DNAH9: variants seen among roughly 807,000 people sequenced by gnomAD.
DNAH9 encodes DNAH9 variant protein.
In DNAH9, 345 loss-of-function variants were observed where a neutral mutation model predicts 471.6. The observed-to-expected ratio is 0.73, with a 90% confidence interval of 0.67 to 0.80. The LOEUF is 0.80. Among genes scored for constraint, DNAH9 ranks in the 30% least tolerant of loss-of-function variants. The pLI, the probability that DNAH9 is intolerant of heterozygous loss-of-function variation, is 0.00. For missense variants in DNAH9, 5,407 were observed against 5,609.2 expected, an observed-to-expected ratio of 0.96 and a Z score of 1.15; for synonymous variants, 2,093 against 2,123.6, an observed-to-expected ratio of 0.99 and a Z score of 0.40.
intron 67 of DNAH9, among the ~76,000 whole-genome samples, chr17:11,942,779 T>A (rs867729141): frequency 9.3e-4 from 142 of 152,288 alleles, no homozygotes; most frequent in Middle Eastern, 3.4e-3. Flanking sequence ...TGATGTAAAG[T>A]GCCTAGCACA....
In DNAH9 at chr17:11,834,708, A is replaced by G. The variant is rs762916908; in HGVS notation, c.9317A>G (p.Lys3106Arg). 6.2e-7 allele frequency: 1 copy of G among 1,614,118 alleles called. No homozygotes were observed. The highest frequency in any genetic ancestry group is 8.5e-7 in the Non-Finnish European group (1 of 1,180,010). ...ELKQKNEDADKLIQVVGVETD... is the reference protein window; with the variant it reads ...ELKQKNEDADRLIQVVGVETD... ...AAGCAGAAAAATGAAGATGCAGACAAACTGATTCAGGTCGTGGGTGTGGAG... is the reference window on the plus strand; with the variant it reads ...AAGCAGAAAAATGAAGATGCAGACAGACTGATTCAGGTCGTGGGTGTGGAG... The change falls in exon 49 of 69, where the codon AAA (lysine) becomes AGA (arginine). Residue 3106 changes from lysine to arginine, a missense_variant. Coordinates refer to ENST00000262442, the MANE Select transcript of DNAH9 (RefSeq NM_001372.4).
intron 4 of DNAH9, among the ~76,000 whole-genome samples, chr17:11,616,033 G>A (rs966360858): frequency 2.0e-5 from 3 of 152,144 alleles, no homozygotes; most frequent in Non-Finnish European, 4.4e-5. Flanking sequence ...GGGATATAAA[G>A]TACAAACATA....
At chr17:11,848,778 G>T (rs972078763) in intron 49 of DNAH9, among the ~76,000 whole-genome samples, 1 of 151,928 alleles carries the variant, frequency 6.6e-6, no homozygotes, top group African/African-American at 2.4e-5. Flanking sequence ...ATAAAGTGTA[G>T]ATTGTCCATA....
chr17:11,753,078 A>C, intron 33 of DNAH9, 118 bp downstream of exon 33: 1 of 821,900 alleles, frequency 1.2e-6, no homozygotes, highest in Admixed American at 2.7e-5. Flanking sequence ...AGAGTAAGGA[A>C]CTATCATCAG....
intron 61 of DNAH9, among the ~76,000 whole-genome samples, chr17:11,908,307 T>C (rs568174933): frequency 6.6e-6 from 1 of 152,194 alleles, no homozygotes. Context: ...CTAAAACAAA[T>C]TTTTTAATTG....
In DNAH9 at chr17:11,769,152, C is replaced by T. The variant is rs375205297; in HGVS notation, c.7375C>T (p.Arg2459Cys). The change falls in exon 38 of 69, where the codon CGT becomes TGT. Residue 2459 changes from arginine to cysteine, a missense_variant. By Grantham distance (180) the Arg-to-Cys change is radical. Transcript: ENST00000262442. ...ACLVHTSETIRVCYFMERLMA... is the reference protein window; with the variant it reads ...ACLVHTSETICVCYFMERLMA... ...TTTGGTGCACACGAGTGAGACCATC[C>T]GTGTGTGCTACTTCATGGAGCGGTT... 2.4e-5 allele frequency: 39 copies of T among 1,614,078 alleles called. No homozygotes were observed. Among genetic ancestry groups the T allele is most frequent in the South Asian group, 8.8e-5 (8 of 91,080 alleles).
intron 62 of DNAH9, among the ~76,000 whole-genome samples, chr17:11,929,095 C>T (rs1217791580): frequency 7.1e-6 from 1 of 140,046 alleles, no homozygotes; most frequent in East Asian, 2.2e-4. Context: ...AGTGCAGTGG[C>T]GTGATCTTGG....
At chr17:11,847,943 C>T (rs575868546) in intron 49 of DNAH9, among the ~76,000 whole-genome samples, 7 of 151,012 alleles carry the variant, frequency 4.6e-5, no homozygotes, top group African/African-American at 1.5e-4. Context: ...GGTTACAGCT[C>T]GTGTAGGGCT....
intron 68 of DNAH9, among the ~76,000 whole-genome samples, chr17:11,966,732 C>T (rs1411361010): frequency 6.6e-6 from 1 of 152,112 alleles, no homozygotes; most frequent in African/African-American, 2.4e-5. Context: ...GGGAATGGAG[C>T]TATACAAGAT....
Position 11,793,587 on chromosome 17 carries a change from C to G in DNAH9, c.8146C>G (p.Arg2716Gly), listed in dbSNP as rs756890065. Residue 2716 changes from arginine (R) to glycine (G), a missense_variant, in exon 42 of 69, where the codon CGG (arginine) becomes GGG (glycine). Arg to Gly is a moderately radical substitution (Grantham distance 125). This residue lies in a region of DNAH9 where 4,636 missense variants were observed against 4,900.3 expected (regional missense o/e 0.95). Transcript: ENST00000262442. ...LYLHESNRVY[R>G]DKMVEEKDFD... ...TCTGCATGAATCAAATCGAGTTTAT[C>G]GGGATAAGATGGTAGAAGAAAAGGA... is the stretch of plus-strand genomic sequence containing the variant. 1.2e-6 allele frequency: 2 copies of G among 1,613,318 alleles called. No homozygotes were observed. Among genetic ancestry groups the G allele is most frequent in the East Asian group, 2.2e-5 (1 of 44,874 alleles).
rs1968773992 is a variant in DNAH9, at chr17:11,784,251, C to G, written c.7822-49C>G. The G allele has an allele frequency of 2.5e-6, 4 of 1,604,626 alleles. No individual in the cohort carries two copies. The East Asian group carries it at 9.0e-5, about 36-fold the overall frequency. On this transcript the variant is annotated intron_variant, in intron 40 of 68. Transcript: ENST00000262442. ...TCTCCAAATTCAGAAGCGGTGATTT[C>G]TACTCCGTGGTAACGGATGTTGAGC... is the stretch of plus-strand genomic sequence containing the variant.
At chr17:11,696,971 G>A (rs1171002881) in intron 22 of DNAH9, among the ~76,000 whole-genome samples, 1 of 151,998 alleles carries the variant, frequency 6.6e-6, no homozygotes, top group East Asian at 1.9e-4. Context: ...TTGTGCTCAA[G>A]GGTCCTCCCA....
intron 35 of DNAH9, among the ~76,000 whole-genome samples, chr17:11,758,816 T>G (rs1466607670): frequency 6.6e-6 from 1 of 152,208 alleles, no homozygotes; most frequent in Admixed American, 6.5e-5. Flanking sequence ...CGTTGTTTAA[T>G]GAAACATTAC....
At chr17:11,882,095 A>G (rs976797763) in intron 55 of DNAH9, among the ~76,000 whole-genome samples, 5 of 152,224 alleles carry the variant, frequency 3.3e-5, no homozygotes, top group African/African-American at 9.6e-5. Context: ...TTGGGCTGCC[A>G]TAACAAAATA....
At chr17:11,754,071 T>C (rs923043565) in intron 33 of DNAH9, among the ~76,000 whole-genome samples, 3 of 152,122 alleles carry the variant, frequency 2.0e-5, no homozygotes, top group Non-Finnish European at 4.4e-5. Flanking sequence ...ACATGTAGCA[T>C]TTGGTCTTCT....
At chr17:11,874,877 G>A in intron 52 of DNAH9, 72 bp from the exon 53 acceptor site, 1 of 1,089,490 alleles carries the variant, frequency 9.2e-7, no homozygotes, top group Non-Finnish European at 1.4e-6. Flanking sequence ...CATTTGGTGA[G>A]TAACTGCATT....
intron 67 of DNAH9, among the ~76,000 whole-genome samples, chr17:11,956,275 AT>A (rs67464783): frequency 6.6e-6 from 1 of 152,202 alleles, no homozygotes; most frequent in Non-Finnish European, 1.5e-5. Flanking sequence ...TAATAAGTCA[AT>A]TTTTCAAGAG....
At chr17:11,923,137 G>T (rs944765977) in intron 61 of DNAH9, among the ~76,000 whole-genome samples, 1 of 152,016 alleles carries the variant, frequency 6.6e-6, no homozygotes, top group East Asian at 1.9e-4. Context: ...GTGCAATGGC[G>T]TGATCTCGTC....
At position 11,626,114 on chromosome 17, in the gene DNAH9, T is replaced by G. The variant is rs544917408; in HGVS notation, c.1351-3303T>G. ...GTTTGTTTGTTCTGGCCCTAGATCC[T>G]AGGCTCTTTCCACAATGCCATATGT... is the stretch of plus-strand genomic sequence containing the variant. On this transcript the variant is annotated intron_variant, in intron 6 of 68. Transcript: ENST00000262442. This position sits in a 1 kb window ranked among gnomAD's most constrained non-coding sequence, Gnocchi z 4.3. Among the ~76,000 whole-genome samples, 16 of 152,350 alleles carry G rather than the reference T, an allele frequency of 1.1e-4. 1 individual carries two copies. In the South Asian group the frequency reaches 3.3e-3, roughly 32 times the overall value.
Sources: gnomAD v4.1 joint callset for allele counts (sites outside exome capture counted in the v4.1 genomes callset) on GRCh38, gnomAD v4.1.1 for gene constraint, gnomAD v4.1.1 regional missense constraint, Gnocchi (gnomAD v3.1) non-coding constraint, MANE v1.5 for transcripts, NCBI Gene and HGNC (gene_info 2026-07-23, HGNC 2026-07-21) for gene names.